The following MID1 variants were observed in gnomAD, a reference collection of about 807,000 sequenced individuals.
MID1 encodes the protein E3 ubiquitin-protein ligase Midline-1.
MID1 carries 7 observed loss-of-function variants against 40.4 expected under a neutral mutation model. The ratio of observed to expected loss-of-function variants is 0.17; its 90% CI spans 0.10 to 0.33. The LOEUF (loss-of-function observed/expected upper bound fraction) is 0.33. Ranked by LOEUF, MID1 falls within the 10% of genes least tolerant of loss-of-function variation. MID1 has a pLI of 1.00. For synonymous variants in MID1, 229 were observed against 221.2 expected (o/e 1.04, Z -0.31); for missense variants, 367 against 558.5 (o/e 0.66, Z 3.46).
At chrX:10,747,279 TG>T (rs1191713133) in intron 1 of MID1, among the ~76,000 whole-genome samples, 5 of 112,079 alleles carry the variant, frequency 4.5e-5, no homozygotes, top group African/African-American at 1.6e-4. Flanking sequence ...TGAGAGCTCA[TG>T]CCGTGGCAGC....
chrX:10,716,498 A>G (rs1170252657), intron 1 of MID1, among the ~76,000 whole-genome samples: 2 of 111,906 alleles, frequency 1.8e-5, no homozygotes, highest in Non-Finnish European at 3.8e-5. Flanking sequence ...TAGAGAAAAA[A>G]GAATAAAAAG....
At chrX:10,808,196 A>G (rs938256231) in intron 1 of MID1, among the ~76,000 whole-genome samples, 11 of 111,941 alleles carry the variant, frequency 9.8e-5, no homozygotes, top group African/African-American at 3.6e-4. Context: ...GGCTGAGGTG[A>G]AAGCCTCTAA....
At chrX:10,686,103 ACT>A (rs774435035) in intron 1 of MID1, among the ~76,000 whole-genome samples, 1 of 110,970 alleles carries the variant, frequency 9.0e-6, no homozygotes, top group South Asian at 3.8e-4. Flanking sequence ...TAATGTGAAG[ACT>A]CTGATCCTGT....
intron 1 of MID1, among the ~76,000 whole-genome samples, chrX:10,646,687 A>G (rs909743622): frequency 8.9e-6 from 1 of 111,830 alleles, no homozygotes; most frequent in Non-Finnish European, 1.9e-5. Flanking sequence ...GACATTAATA[A>G]TGGTTAGGGG....
chrX:10,723,844 A>G (rs2043373645), intron 1 of MID1, among the ~76,000 whole-genome samples: 1 of 112,878 alleles, frequency 8.9e-6, no homozygotes, highest in South Asian at 3.6e-4. Flanking sequence ...CCAGCTAAAG[A>G]TGTAGTTTCT....
At chrX:10,799,221 A>G (rs1233753658) in intron 1 of MID1, among the ~76,000 whole-genome samples, 1 of 111,631 alleles carries the variant, frequency 9.0e-6, no homozygotes, top group African/African-American at 3.3e-5. Context: ...AGACAGCTCA[A>G]ATATGAATTT....
rs1929018101 is a variant in MID1 at position 10,461,186 on chromosome X, T to C, written c.1286-1379A>G. On this transcript the variant is annotated intron_variant, in intron 7 of 9. Transcript: ENST00000317552. ...ACACACATATTTGGTCTTGTGAATTTTCTGTTGCCTTTTTTTTTTTTTTTC... is the reference window on the plus strand; with the variant it reads ...ACACACATATTTGGTCTTGTGAATTCTCTGTTGCCTTTTTTTTTTTTTTTC... Among the ~76,000 whole-genome samples the C allele has an allele frequency of 3.8e-5, 4 of 104,689 alleles. No individual in the cohort carries two copies. The Admixed American group carries it at 4.1e-4, about 11-fold the overall frequency. 90.9% of individuals were successfully genotyped at this position (104,689 alleles called of 115,157 possible).
At chrX:10,453,364 T>C (rs968425392) in intron 9 of MID1, among the ~76,000 whole-genome samples, 3 of 112,193 alleles carry the variant, frequency 2.7e-5, no homozygotes, top group Non-Finnish European at 5.6e-5. Context: ...TGTTTTATCA[T>C]GCTTATATTG....
At chrX:10,451,756 C>T (rs1928353448) in intron 9 of MID1, among the ~76,000 whole-genome samples, 1 of 111,467 alleles carries the variant, frequency 9.0e-6, no homozygotes, top group African/African-American at 3.3e-5. Flanking sequence ...TTGCCTGCTG[C>T]CATCCATGTA....
intron 1 of MID1, among the ~76,000 whole-genome samples, chrX:10,592,413 G>A (rs1266674429): frequency 1.8e-5 from 2 of 108,239 alleles, no homozygotes; most frequent in Non-Finnish European, 3.8e-5. Context: ...TTACCACGGT[G>A]CATTTCCTTC....
intron 1 of MID1, among the ~76,000 whole-genome samples, chrX:10,759,131 G>T (rs1261473153): frequency 8.9e-6 from 1 of 112,168 alleles, no homozygotes; most frequent in Non-Finnish European, 1.9e-5. Context: ...CGCACTGAAG[G>T]TATAGCTGAA....
intron 1 of MID1, among the ~76,000 whole-genome samples, chrX:10,731,717 G>T (rs773769979): frequency 9.0e-6 from 1 of 110,640 alleles, no homozygotes; most frequent in African/African-American, 3.3e-5. Context: ...TAGCACTTTG[G>T]GAGGCCCGAA....
chrX:10,583,716 T>G (rs1935070295), intron 1 of MID1, among the ~76,000 whole-genome samples: 1 of 112,175 alleles, frequency 8.9e-6, no homozygotes, highest in African/African-American at 3.2e-5. Context: ...AACAGAATTC[T>G]TGAGACTAAG....
At chrX:10,820,599 C>T (rs903652598) in intron 1 of MID1, among the ~76,000 whole-genome samples, 2 of 100,682 alleles carry the variant, frequency 2.0e-5, no homozygotes, top group African/African-American at 3.6e-5. Context: ...CAGTGATTTA[C>T]GTCATAAAGA....
At chrX:10,601,901 GTTTT>G (rs61428047) in intron 1 of MID1, among the ~76,000 whole-genome samples, 8 of 96,302 alleles carry the variant, frequency 8.3e-5, no homozygotes, top group African/African-American at 3.2e-4. Flanking sequence ...TTTTGTTTTT[GTTTT>G]TTTTTTTTTG....
At chrX:10,456,498 A>ATAGT (rs756545415) in intron 8 of MID1, among the ~76,000 whole-genome samples, 4 of 112,595 alleles carry the variant, frequency 3.6e-5, no homozygotes, top group Admixed American at 2.8e-4. Flanking sequence ...CCCTTGAGCT[A>ATAGT]TAGTTAGCTG....
rs770892625 is a variant in MID1, at chrX:10,776,388, T to G, written c.-187+57166A>C. ...TCCAATGTCAGGCTTCTCATCAGAA[T>G]TCAATTTTTATTTCATTTTATTTGA... On this transcript the variant is annotated intron_variant, in intron 1 of 10. Coordinates refer to the MID1 transcript ENST00000380785. 1.6e-3 allele frequency among the ~76,000 whole-genome samples: 181 copies of G among 112,165 alleles called. 1 individual carries two copies. The highest frequency in any genetic ancestry group is 2.6e-3 in the Non-Finnish European group (139 of 53,263).
chrX:10,485,250 A>T (rs1171915385), intron 4 of MID1, among the ~76,000 whole-genome samples: 1 of 112,406 alleles, frequency 8.9e-6, no homozygotes, highest in East Asian at 2.8e-4. Flanking sequence ...AAATGATTAC[A>T]GTCAGATGGC....
At chrX:10,455,139 C>A (rs1025989240) in intron 8 of MID1, 62 bp from the exon 9 acceptor site, 74 of 987,566 alleles carry the variant, frequency 7.5e-5, no homozygotes, top group Non-Finnish European at 1.0e-4. Context: ...TTTATCATAA[C>A]CAATAGCATA....
Sources: gnomAD v4.1 joint callset for allele counts (sites outside exome capture counted in the v4.1 genomes callset) on GRCh38, gnomAD v4.1.1 for gene constraint, MANE v1.5 for transcripts, NCBI Gene and HGNC (gene_info 2026-07-23, HGNC 2026-07-21) for gene names.